Variants in TOM1L2 observed in about 807,000 individuals in gnomAD.
The protein encoded by TOM1L2 is target of myb1 like 2 membrane trafficking protein.
TOM1L2 carries 31 observed loss-of-function variants against 67.9 expected under a neutral mutation model. The observed-to-expected ratio is 0.46, with a 90% CI of 0.34 to 0.62. The LOEUF (loss-of-function observed/expected upper bound fraction) is 0.62, where lower values mean the gene tolerates loss of function less well. TOM1L2 is among the 20% of genes least tolerant of loss of function. TOM1L2 has a pLI of 0.01. For synonymous variants in TOM1L2, 256 were observed against 254.0 expected, an observed-to-expected ratio of 1.01 and a Z score of -0.07; for missense variants, 606 against 663.5, an observed-to-expected ratio of 0.91 and a Z score of 0.95.
At chr17:17,933,429 C>G (rs942374040) in intron 1 of TOM1L2, among the ~76,000 whole-genome samples, 2 of 152,106 alleles carry the variant, frequency 1.3e-5, no homozygotes, top group Middle Eastern at 3.2e-3. Context: ...AATCAGACTC[C>G]GTCAGAAAAG....
At chr17:17,961,054 C>T (rs1775320989) in intron 1 of TOM1L2, among the ~76,000 whole-genome samples, 1 of 152,134 alleles carries the variant, frequency 6.6e-6, no homozygotes. Context: ...GATTAATATT[C>T]AGAATATATA....
chr17:17,901,069 G>T (rs1383379471), intron 2 of TOM1L2, among the ~76,000 whole-genome samples: 1 of 152,236 alleles, frequency 6.6e-6, no homozygotes, highest in African/African-American at 2.4e-5. Flanking sequence ...TGGGAAATCA[G>T]ACAGTCAGCA....
chr17:17,869,378 C>A lies in TOM1L2; in HGVS notation c.873G>T (p.Val291=). 1 of 1,612,676 alleles carries A rather than the reference C, an allele frequency of 6.2e-7. No homozygotes were observed. Among genetic ancestry groups the A allele is most frequent in the South Asian group, 1.1e-5 (1 of 90,994 alleles). Residue 291 remains valine (V), a synonymous_variant, in exon 8 of 15, where the codon GTG becomes GTT. Transcript: ENST00000379504. ...GGAAGACGTTGTTGAGGTCATCGTTCACATGCAGCAGCTCCTCGGTGACCT... is the reference window on the plus strand; with the variant it reads ...GGAAGACGTTGTTGAGGTCATCGTTAACATGCAGCAGCTCCTCGGTGACCT... ...NEEVTEELLH[V]NDDLNNVFLR...
At chr17:17,947,307 A>G (rs2040994182) in intron 1 of TOM1L2, among the ~76,000 whole-genome samples, 1 of 151,808 alleles carries the variant, frequency 6.6e-6, no homozygotes, top group Non-Finnish European at 1.5e-5. Context: ...TATAGACATG[A>G]GCCACCGTGC....
intron 11 of TOM1L2, 26 bp from the exon 12 acceptor site, chr17:17,861,577 A>G: frequency 2.5e-6 from 4 of 1,611,412 alleles, no homozygotes; most frequent in Non-Finnish European, 2.5e-6. Flanking sequence ...CAGCACAAGC[A>G]GAGTTCATTT....
chr17:17,852,808 T>C (rs1458749325), intron 12 of TOM1L2, among the ~76,000 whole-genome samples: 1 of 134,510 alleles, frequency 7.4e-6, no homozygotes. Flanking sequence ...GAGGTTGCAG[T>C]GAGCCGAGAT....
At chr17:17,890,381 C>T (rs1293657452) in intron 4 of TOM1L2, among the ~76,000 whole-genome samples, 1 of 152,086 alleles carries the variant, frequency 6.6e-6, no homozygotes, top group Admixed American at 6.6e-5. Context: ...TTTTGACCAA[C>T]AAAGATGGCA....
At chr17:17,942,831 G>A (rs1468208221) in intron 1 of TOM1L2, among the ~76,000 whole-genome samples, 2 of 152,200 alleles carry the variant, frequency 1.3e-5, no homozygotes, top group East Asian at 1.9e-4. Flanking sequence ...AGCTTTAGTC[G>A]CGACAGCCCT....
chr17:17,959,156 G>T (rs2041588596), intron 1 of TOM1L2, among the ~76,000 whole-genome samples: 1 of 152,162 alleles, frequency 6.6e-6, no homozygotes, highest in Non-Finnish European at 1.5e-5. Flanking sequence ...CAAACATGGG[G>T]AAGGCATCAC....
At chr17:17,906,714 C>T (rs551456473) in intron 2 of TOM1L2, among the ~76,000 whole-genome samples, 1 of 152,324 alleles carries the variant, frequency 6.6e-6, no homozygotes, top group East Asian at 1.9e-4. Flanking sequence ...GTCCCCAGTT[C>T]ACACATGGCA....
At chr17:17,919,489 C>T (rs1004975959) in intron 1 of TOM1L2, among the ~76,000 whole-genome samples, 1 of 152,194 alleles carries the variant, frequency 6.6e-6, no homozygotes, top group Admixed American at 6.5e-5. Context: ...AGAAGGAAGC[C>T]CCCAAACTTG....
At chr17:17,920,329 T>C (rs1315409418) in intron 1 of TOM1L2, among the ~76,000 whole-genome samples, 1 of 151,242 alleles carries the variant, frequency 6.6e-6, no homozygotes, top group Non-Finnish European at 1.5e-5. Context: ...TCCGCTAATG[T>C]TCAATATTTT....
intron 8 of TOM1L2, among the ~76,000 whole-genome samples, chr17:17,868,245 A>G (rs560008730): frequency 3.1e-4 from 47 of 152,282 alleles, no homozygotes; most frequent in South Asian, 2.7e-3. Flanking sequence ...ATGCCCCCAC[A>G]CTTACTGCAG....
intron 1 of TOM1L2, among the ~76,000 whole-genome samples, chr17:17,943,028 G>A (rs746518158): frequency 2.0e-5 from 3 of 152,078 alleles, no homozygotes; most frequent in African/African-American, 7.2e-5. Flanking sequence ...GAGTGGGAGG[G>A]GAGGATGATT....
chr17:17,966,305 C>T (rs1027959297), intron 1 of TOM1L2, among the ~76,000 whole-genome samples: 2 of 152,154 alleles, frequency 1.3e-5, no homozygotes, highest in Admixed American at 1.3e-4. Context: ...TTGCTATATA[C>T]AGATAGTACA....
At chr17:17,964,747 C>G (rs1051450811) in intron 1 of TOM1L2, among the ~76,000 whole-genome samples, 3 of 152,056 alleles carry the variant, frequency 2.0e-5, no homozygotes, top group Non-Finnish European at 4.4e-5. Flanking sequence ...AAGCAAGACC[C>G]TGTCTCAAAA....
In TOM1L2 at chr17:17,924,182, T is replaced by C. The variant is rs114541585; in HGVS notation, c.53-16651A>G. 1.8e-3 allele frequency among the ~76,000 whole-genome samples: 279 copies of C among 152,160 alleles called. 1 individual carries two copies. The highest frequency in any genetic ancestry group is 6.3e-3 in the African/African-American group (263 of 41,506). ...GTAAAAATGACTACATATTGTATGA[T>C]TCCATTTATATAAAATGTCCAGAAT... On this transcript the variant is annotated intron_variant, in intron 1 of 14. Coordinates refer to ENST00000379504, the MANE Select transcript of TOM1L2 (RefSeq NM_001082968.2).
At position 17,893,754 on chromosome 17, in the gene TOM1L2, G is replaced by T; in HGVS notation, c.273C>A (p.Asn91Lys). ...CGHRFHILVA[N>K]RDFIDSVLVK... ...CCAGAACACTGTCGATGAAATCTCG[G>T]TTGGCCACAAGGATGTGGAAGCGGT... The change falls in exon 4 of 15, where the codon AAC (asparagine) becomes AAA (lysine). Residue 91 changes from asparagine to lysine, a missense_variant. Coordinates refer to ENST00000379504, the MANE Select transcript of TOM1L2 (RefSeq NM_001082968.2). 6.2e-7 allele frequency: 1 copy of T among 1,614,156 alleles called. No homozygotes were observed. The highest frequency in any genetic ancestry group is 8.5e-7 in the Non-Finnish European group (1 of 1,180,006).
chr17:17,951,345 A>G (rs1034241893), intron 1 of TOM1L2, among the ~76,000 whole-genome samples: 2 of 152,192 alleles, frequency 1.3e-5, no homozygotes, highest in Non-Finnish European at 2.9e-5. Context: ...ACTAGAATTA[A>G]AGAATATACA....
Sources: allele counts gnomAD v4.1 joint callset (sites outside exome capture counted in the v4.1 genomes callset), GRCh38; gene constraint gnomAD v4.1.1; transcripts MANE v1.5; gene names NCBI Gene and HGNC (gene_info 2026-07-23, HGNC 2026-07-21).